Variants in KCNQ3 observed in about 807,000 individuals in gnomAD.
KCNQ3 encodes the protein potassium voltage-gated channel subfamily Q member 3, also known as potassium voltage-gated channel subfamily KQT member 3.
A neutral mutation model predicts 92.5 loss-of-function variants in KCNQ3; 30 were observed. That is an observed-to-expected ratio of 0.32 (90% CI 0.24 to 0.44). KCNQ3 has a LOEUF of 0.44. KCNQ3 is among the 20% of genes least tolerant of loss of function. The probability of loss-of-function intolerance (pLI) is 1.00; values close to 1 mark genes in which losing one functional copy is unlikely to be tolerated. For missense variants in KCNQ3, 913 were observed against 1,140.3 expected (o/e 0.80, Z 2.87); for synonymous variants, 450 against 468.8 (o/e 0.96, Z 0.52).
chr8:132,433,148 C>G (rs1204861676), intron 1 of KCNQ3, among the ~76,000 whole-genome samples: 3 of 152,152 alleles, frequency 2.0e-5, no homozygotes, highest in African/African-American at 7.2e-5. Flanking sequence ...TTACCTCATA[C>G]TTTATTGTGA....
chr8:132,399,361 A>G (rs1820276771), intron 1 of KCNQ3, among the ~76,000 whole-genome samples: 1 of 152,146 alleles, frequency 6.6e-6, no homozygotes, highest in Admixed American at 6.5e-5. Flanking sequence ...ACAAGCAACC[A>G]GCTGCCTGTC....
At chr8:132,473,699 T>C (rs13279695) in intron 1 of KCNQ3, among the ~76,000 whole-genome samples, 36,868 of 152,120 alleles carry the variant, frequency 0.24, 4,698 homozygotes, top group South Asian at 0.34. Flanking sequence ...AGCCCAAAGA[T>C]ACAGCAACTT....
At position 132,128,900 on chromosome 8, in the gene KCNQ3, A is replaced by G. The variant is rs2130921816; in HGVS notation, c.*362T>C. 4.0e-6 allele frequency: 1 copy of G among 249,296 alleles called. No individual in the cohort carries two copies. The highest frequency in any genetic ancestry group is 7.8e-6 in the Non-Finnish European group (1 of 128,340). The allele number at this position is 249,296 out of a possible 1,614,324, so 15.4% of individuals were successfully genotyped here. On this transcript the variant is annotated 3_prime_UTR_variant, in exon 15 of 15. Coordinates refer to ENST00000388996, the MANE Select transcript of KCNQ3 (RefSeq NM_004519.4). ...CTTAAACTACTTTCTCTGCTTACCA[A>G]ACCAAAACCCAAACCAGCCAACCAA...
intron 1 of KCNQ3, among the ~76,000 whole-genome samples, chr8:132,338,523 T>G (rs1366800193): frequency 6.6e-6 from 1 of 152,204 alleles, no homozygotes; most frequent in African/African-American, 2.4e-5. Context: ...GTCTGACACA[T>G]ATGTGCTGTT....
chr8:132,304,540 A>T (rs1817356997), intron 1 of KCNQ3, among the ~76,000 whole-genome samples: 1 of 152,140 alleles, frequency 6.6e-6, no homozygotes, highest in African/African-American at 2.4e-5. Flanking sequence ...AGTAACCCTA[A>T]CCACCTGTGG....
intron 1 of KCNQ3, among the ~76,000 whole-genome samples, chr8:132,358,353 C>A (rs997078348): frequency 2.6e-5 from 4 of 152,156 alleles, no homozygotes; most frequent in Non-Finnish European, 5.9e-5. Context: ...CTTTAGACCC[C>A]CTCTGGGAGT....
At chr8:132,240,327 C>A (rs1262554255) in intron 1 of KCNQ3, among the ~76,000 whole-genome samples, 1 of 151,944 alleles carries the variant, frequency 6.6e-6, no homozygotes, top group South Asian at 2.1e-4. Context: ...GCTGGGATTA[C>A]AGGCATGCGC....
chr8:132,187,185 C>T (rs1826998436), intron 1 of KCNQ3: 1 of 455,902 alleles, frequency 2.2e-6, no homozygotes, highest in Non-Finnish European at 4.4e-6. Context: ...TTCTACTCTA[C>T]TTAGGTTCTA....
At chr8:132,165,688 A>G (rs1826124453) in intron 8 of KCNQ3, among the ~76,000 whole-genome samples, 2 of 152,200 alleles carry the variant, frequency 1.3e-5, no homozygotes, top group East Asian at 3.8e-4. Context: ...TTTTCTCCCT[A>G]AATAATGTTT....
intron 1 of KCNQ3, among the ~76,000 whole-genome samples, chr8:132,208,829 C>T (rs1432163495): frequency 2.6e-5 from 4 of 152,136 alleles, no homozygotes; most frequent in Non-Finnish European, 4.4e-5. Flanking sequence ...ACAGAAAATT[C>T]TAGTACCATA....
At position 132,123,010 on chromosome 8, in the gene KCNQ3, C is replaced by G. The variant is rs1184710254; in HGVS notation, c.*6252G>C. The G allele has an allele frequency of 6.6e-6, 1 of 152,038 alleles. No homozygotes were observed. Among genetic ancestry groups the G allele is most frequent in the African/African-American group, 2.4e-5 (1 of 41,392 alleles). The allele number at this position is 152,038 out of a possible 1,614,324, so 9.4% of individuals were successfully genotyped here. ...ATTCTCTGGGACAAGGCAAGAGGAC[C>G]CAAGCTGTGTTCAAATGAGACCCAG... On this transcript the variant is annotated 3_prime_UTR_variant, in exon 15 of 15. Transcript: ENST00000388996.
chr8:132,480,665 T>TC lies in KCNQ3; in HGVS notation c.-134dup, dbSNP rs886062695. 225 of 744,064 alleles carry TC rather than the reference T, an allele frequency of 3.0e-4. No homozygotes were observed. Among genetic ancestry groups the TC allele is most frequent in the Middle Eastern group, 1.3e-3 (2 of 1,566 alleles). The allele number at this position is 744,064 out of a possible 1,614,324, so 46.1% of individuals were successfully genotyped here. A position where few individuals can be genotyped will look rare whatever the true frequency, so the allele number is the denominator to read the frequency against. On this transcript the variant is annotated 5_prime_UTR_variant, in exon 1 of 15. Transcript: ENST00000388996. ...TCCAATGCCATGATCCGCGCGCCCC[T>TC]CCCCACCCCCCCCCAAAAGCAGGCA...
intron 1 of KCNQ3, among the ~76,000 whole-genome samples, chr8:132,425,128 C>CA: frequency 6.6e-6 from 1 of 152,306 alleles, no homozygotes; most frequent in East Asian, 1.9e-4. Context: ...TCAGCCCACA[C>CA]AGTGGAGCTC....
chr8:132,356,214 C>T (rs1055045162), intron 1 of KCNQ3, among the ~76,000 whole-genome samples: 1 of 152,190 alleles, frequency 6.6e-6, no homozygotes, highest in African/African-American at 2.4e-5. Flanking sequence ...CCACTGCTCG[C>T]AGGCTGCTCA....
chr8:132,139,666 G>C (rs976351473), intron 11 of KCNQ3, among the ~76,000 whole-genome samples: 2 of 152,104 alleles, frequency 1.3e-5, no homozygotes, highest in African/African-American at 4.8e-5. Context: ...TGTTAAAAAT[G>C]CGAACTAATT....
chr8:132,410,517 G>A (rs947343034), intron 1 of KCNQ3, among the ~76,000 whole-genome samples: 5 of 152,200 alleles, frequency 3.3e-5, no homozygotes, highest in South Asian at 2.1e-4. Flanking sequence ...GCTCATGAGC[G>A]AGATCCATGA....
chr8:132,475,455 G>T (rs913317349), intron 1 of KCNQ3, among the ~76,000 whole-genome samples: 8 of 152,200 alleles, frequency 5.3e-5, no homozygotes, highest in Non-Finnish European at 8.8e-5. Flanking sequence ...GGTGGTCTCA[G>T]ATGGAGATGA....
chr8:132,202,405 T>G (rs1450399181), intron 1 of KCNQ3, among the ~76,000 whole-genome samples: 1 of 152,222 alleles, frequency 6.6e-6, no homozygotes, highest in Non-Finnish European at 1.5e-5. Context: ...GTTCTTTACA[T>G]GGCCGGACTG....
chr8:132,136,952 C>G (rs1000844792), intron 12 of KCNQ3, among the ~76,000 whole-genome samples: 1 of 4,372 alleles, frequency 2.3e-4, no homozygotes, highest in Non-Finnish European at 1.2e-3. Flanking sequence ...CAACCTCCGC[C>G]CCCCCAGGTT....
Sources: allele counts gnomAD v4.1 joint callset (sites outside exome capture counted in the v4.1 genomes callset), GRCh38; gene constraint gnomAD v4.1.1; transcripts MANE v1.5; gene names NCBI Gene and HGNC (gene_info 2026-07-23, HGNC 2026-07-21).